CHLSN: variants seen among roughly 807,000 people sequenced by gnomAD.
CHLSN encodes the protein cholesin.
the CHLSN span, among the ~76,000 whole-genome samples, chr7:1,100,369 G>A: frequency 1.3e-5 from 2 of 152,372 alleles, no homozygotes; most frequent in African/African-American, 2.4e-5. Context: ...CTCTGGGAGA[G>A]AGTGGACACC....
chr7:1,135,681 C>T, the CHLSN span, among the ~76,000 whole-genome samples: 3 of 150,440 alleles, frequency 2.0e-5, no homozygotes. Flanking sequence ...GCAGGAGAAT[C>T]GTTTGAATAC....
the CHLSN span, among the ~76,000 whole-genome samples, chr7:997,988 T>G: frequency 6.2e-4 from 95 of 152,210 alleles, 2 homozygotes; most frequent in Non-Finnish European, 4.4e-5. Context: ...AAATGCCTGT[T>G]TAGAGGCAGA....
At chr7:1,113,241 C>T in the CHLSN span, among the ~76,000 whole-genome samples, 4 of 152,132 alleles carry the variant, frequency 2.6e-5, no homozygotes, top group Admixed American at 6.5e-5. Context: ...AAGAATCTAC[C>T]GTTATTTTAA....
the CHLSN span, among the ~76,000 whole-genome samples, chr7:1,008,950 CT>C: frequency 6.6e-6 from 1 of 151,962 alleles, no homozygotes; most frequent in African/African-American, 2.4e-5. Context: ...CGCACACCCC[CT>C]CATGCGAACA....
chr7:988,487 C>T, the CHLSN span: 34 of 1,601,632 alleles, frequency 2.1e-5, no homozygotes, highest in Admixed American at 8.6e-5. Flanking sequence ...GCCCCAGCTC[C>T]GCCTGCCGCC....
chr7:1,084,901 T>A, the CHLSN span, among the ~76,000 whole-genome samples: 1 of 152,150 alleles, frequency 6.6e-6, no homozygotes, highest in East Asian at 1.9e-4. Flanking sequence ...CTGCCTACCA[T>A]GGAGGGCATG....
chr7:1,059,559 G>A, the CHLSN span, among the ~76,000 whole-genome samples: 4 of 143,354 alleles, frequency 2.8e-5, no homozygotes, highest in African/African-American at 1.0e-4. Flanking sequence ...AGTGGGGCGG[G>A]TCGGTAGTGA....
At chr7:997,882 G>GC in the CHLSN span, 1,442 of 1,362,466 alleles carry the variant, frequency 1.1e-3, 2 homozygotes, top group Middle Eastern at 1.6e-3. Flanking sequence ...AGACGCTGCA[G>GC]CCAAGGACAC....
At chr7:1,017,390 G>A in the CHLSN span, among the ~76,000 whole-genome samples, 6 of 152,216 alleles carry the variant, frequency 3.9e-5, no homozygotes, top group Non-Finnish European at 8.8e-5. Flanking sequence ...TGCTGTGTGG[G>A]TGAAGGGGTC....
the CHLSN span, among the ~76,000 whole-genome samples, chr7:1,065,679 C>T: frequency 1.3e-5 from 2 of 152,174 alleles, no homozygotes; most frequent in Admixed American, 6.5e-5. Flanking sequence ...GGAGGGGCGA[C>T]GGAGGCGGTC....
chr7:1,060,993 A>G, the CHLSN span, among the ~76,000 whole-genome samples: 10 of 151,320 alleles, frequency 6.6e-5, no homozygotes, highest in African/African-American at 2.4e-4. Flanking sequence ...GAACCAGGAG[A>G]CCCTCTTCCT....
chr7:983,101 C>T, the CHLSN span: 15 of 938,050 alleles, frequency 1.6e-5, no homozygotes, highest in Non-Finnish European at 2.9e-6. Context: ...GTTCCACATT[C>T]TCGGGGTGGT....
the CHLSN span, among the ~76,000 whole-genome samples, chr7:1,020,913 G>A: frequency 1.2e-3 from 188 of 152,334 alleles, no homozygotes; most frequent in Middle Eastern, 3.4e-3. Context: ...GGGGACTGGG[G>A]TTACGAAAGA....
the CHLSN span, among the ~76,000 whole-genome samples, chr7:1,097,305 A>G: frequency 6.6e-6 from 1 of 152,210 alleles, no homozygotes; most frequent in African/African-American, 2.4e-5. The surrounding 1 kb of genome is among the most constrained non-coding windows in gnomAD (Gnocchi z 4.3). Context: ...AGCCTGGGAC[A>G]GGTGATTCTG....
chr7:1,115,133 T>A, the CHLSN span, among the ~76,000 whole-genome samples: 1 of 152,228 alleles, frequency 6.6e-6, no homozygotes, highest in African/African-American at 2.4e-5. Context: ...TCTCATCTTT[T>A]GAGATAAATA....
At chr7:1,049,333 CAG>C in the CHLSN span, among the ~76,000 whole-genome samples, 2 of 152,236 alleles carry the variant, frequency 1.3e-5, no homozygotes, top group East Asian at 1.9e-4. Context: ...GGGCTGGTAA[CAG>C]GGAGCAAGTG....
At chr7:1,083,848 C>A in the CHLSN span, among the ~76,000 whole-genome samples, 1,911 of 152,296 alleles carry the variant, frequency 0.013, 21 homozygotes, top group Middle Eastern at 0.027. Context: ...AACCAGGATG[C>A]CCTGCCCCTC....
chr7:984,642 G>C, the CHLSN span: 2 of 1,502,406 alleles, frequency 1.3e-6, no homozygotes, highest in African/African-American at 1.4e-5. Flanking sequence ...GAGGGGTGGG[G>C]GCTCCAGCAG....
chr7:1,005,391 G>A, the CHLSN span, among the ~76,000 whole-genome samples: 1 of 152,344 alleles, frequency 6.6e-6, no homozygotes, highest in African/African-American at 2.4e-5. Flanking sequence ...TCTGAAGCCG[G>A]CCCGCAGCCA....
Sources: allele counts gnomAD v4.1 joint callset (sites outside exome capture counted in the v4.1 genomes callset), GRCh38; gene constraint gnomAD v4.1.1; non-coding constraint Gnocchi (gnomAD v3.1); transcripts MANE v1.5; gene names NCBI Gene and HGNC (gene_info 2026-07-23, HGNC 2026-07-21).